The following OPHN1 variants were observed in gnomAD, a reference collection of about 807,000 sequenced individuals.
The protein encoded by OPHN1 is oligophrenin-1.
Under a neutral mutation model 60.7 loss-of-function variants are expected in OPHN1, and 11 were observed. The ratio of observed to expected loss-of-function variants is 0.18; its 90% CI spans 0.11 to 0.30. OPHN1 has a LOEUF of 0.30. OPHN1 is among the 10% of genes least tolerant of loss of function. The pLI, the probability that OPHN1 is intolerant of heterozygous loss-of-function variation, is 1.00. For synonymous variants in OPHN1, 226 were observed against 222.6 expected (o/e 1.02, Z -0.14); for missense variants, 449 against 611.0 (o/e 0.73, Z 2.80).
At chrX:68,364,034 T>C (rs777606627) in intron 2 of OPHN1, among the ~76,000 whole-genome samples, 8 of 112,256 alleles carry the variant, frequency 7.1e-5, no homozygotes, top group African/African-American at 2.6e-4. Context: ...TAAGGTTCCT[T>C]GAACATGCCC....
chrX:68,407,112 G>C (rs1215645676), intron 2 of OPHN1, among the ~76,000 whole-genome samples: 2 of 112,717 alleles, frequency 1.8e-5, no homozygotes, highest in African/African-American at 6.4e-5. Flanking sequence ...GCTGAGGCAG[G>C]AGAATCACTT....
At chrX:68,415,373 T>C (rs1425523323) in intron 2 of OPHN1, among the ~76,000 whole-genome samples, 1 of 111,442 alleles carries the variant, frequency 9.0e-6, no homozygotes, top group Non-Finnish European at 1.9e-5. Context: ...GAATTAAGAG[T>C]CAGGGAAGCA....
In OPHN1 at chrX:68,341,477, A is replaced by G. The variant is rs780586558; in HGVS notation, c.155-42381T>C. On this transcript the variant is annotated intron_variant, in intron 2 of 24. Transcript: ENST00000355520. ...TATGGCAAACTCTATAGGTCAAACTACCAATTTATTCAACAAGGAAATTGT... is the reference window on the plus strand; with the variant it reads ...TATGGCAAACTCTATAGGTCAAACTGCCAATTTATTCAACAAGGAAATTGT... Among the ~76,000 whole-genome samples, 42 of 111,707 alleles carry G rather than the reference A, an allele frequency of 3.8e-4. No individual in the cohort carries two copies. In the South Asian group the frequency reaches 4.9e-3, roughly 13 times the overall value.
At chrX:68,225,864 G>A (rs2077688647) in intron 6 of OPHN1, among the ~76,000 whole-genome samples, 1 of 112,479 alleles carries the variant, frequency 8.9e-6, no homozygotes, top group Non-Finnish European at 1.9e-5. Context: ...GAAGAAAGCT[G>A]CATGGAGAAT....
chrX:68,400,716 C>T (rs1037167894), intron 2 of OPHN1, among the ~76,000 whole-genome samples: 3 of 108,952 alleles, frequency 2.8e-5, no homozygotes, highest in Non-Finnish European at 3.8e-5. Flanking sequence ...ATTCTCCTGC[C>T]TCAGTCCCCT....
intron 3 of OPHN1, among the ~76,000 whole-genome samples, chrX:68,284,681 C>A (rs1256755784): frequency 9.0e-6 from 1 of 111,409 alleles, no homozygotes; most frequent in South Asian, 3.8e-4. Context: ...AAACCCAAAC[C>A]CCATTAGCAT....
intron 5 of OPHN1, among the ~76,000 whole-genome samples, chrX:68,242,562 C>T (rs1375201830): frequency 1.8e-5 from 2 of 111,101 alleles, no homozygotes; most frequent in African/African-American, 6.6e-5. Context: ...GGCAATTTCC[C>T]TCCAAAGTAT....
intron 18 of OPHN1, 98 bp from the exon 19 acceptor site, chrX:68,097,127 A>G: frequency 3.7e-6 from 3 of 803,535 alleles, no homozygotes; most frequent in Non-Finnish European, 3.5e-6. Context: ...AGAAACTAAA[A>G]TGTAGAAGGA....
intron 2 of OPHN1, among the ~76,000 whole-genome samples, chrX:68,417,156 C>T (rs1213588668): frequency 9.0e-6 from 1 of 110,918 alleles, no homozygotes; most frequent in Non-Finnish European, 1.9e-5. Flanking sequence ...AATGCAGTGG[C>T]GCGATCTCGG....
chrX:68,361,847 T>C (rs1487893380), intron 2 of OPHN1, among the ~76,000 whole-genome samples: 1 of 111,978 alleles, frequency 8.9e-6, no homozygotes, highest in Non-Finnish European at 1.9e-5. Flanking sequence ...TCCCACAAAG[T>C]GTACACACTT....
chrX:68,347,727 G>A (rs1339584857), intron 2 of OPHN1, among the ~76,000 whole-genome samples: 1 of 111,865 alleles, frequency 8.9e-6, no homozygotes, highest in Non-Finnish European at 1.9e-5. Flanking sequence ...GACATTAGAA[G>A]ATATGAATAT....
chrX:68,409,074 C>T (rs2078757498), intron 2 of OPHN1, among the ~76,000 whole-genome samples: 1 of 112,614 alleles, frequency 8.9e-6, no homozygotes, highest in Non-Finnish European at 1.9e-5. Context: ...TCTCAATCGA[C>T]ATTTCCTCTA....
intron 19 of OPHN1, among the ~76,000 whole-genome samples, chrX:68,095,485 T>C (rs933024171): frequency 8.9e-6 from 1 of 112,292 alleles, no homozygotes; most frequent in African/African-American, 3.2e-5. Context: ...CTGCTTTAGA[T>C]TCACATAGTC....
chrX:68,218,471 T>C (rs1211233851), intron 6 of OPHN1, among the ~76,000 whole-genome samples: 1 of 106,943 alleles, frequency 9.4e-6, no homozygotes, highest in Non-Finnish European at 1.9e-5. Context: ...CCAAGACACA[T>C]AATTGTCAGA....
intron 15 of OPHN1, among the ~76,000 whole-genome samples, chrX:68,182,254 C>G (rs1298558157): frequency 1.1e-5 from 1 of 90,827 alleles, no homozygotes; most frequent in East Asian, 3.6e-4. Flanking sequence ...TTGAAACAAC[C>G]AATACCCACT....
intron 2 of OPHN1, among the ~76,000 whole-genome samples, chrX:68,316,378 G>A (rs1342498298): frequency 1.8e-5 from 2 of 111,849 alleles, no homozygotes; most frequent in Admixed American, 9.5e-5. Context: ...CTTTTCAAGC[G>A]TCCATGATAT....
chrX:68,101,962 AG>A (rs2077060952), intron 18 of OPHN1: 1 of 112,341 alleles, frequency 8.9e-6, no homozygotes, highest in Non-Finnish European at 1.9e-5. Context: ...TAGAGTAATT[AG>A]CTGAAATATA....
chrX:68,428,749 AAAC>A (rs758408502), intron 2 of OPHN1, among the ~76,000 whole-genome samples: 112 of 112,450 alleles, frequency 1.0e-3, no homozygotes, highest in African/African-American at 3.2e-3. Flanking sequence ...GCAAATATTC[AAAC>A]AACATTGGGG....
chrX:68,343,957 G>A (rs1297481922), intron 2 of OPHN1, among the ~76,000 whole-genome samples: 9 of 111,835 alleles, frequency 8.0e-5, no homozygotes, highest in Admixed American at 4.8e-4. Context: ...TACTCAAAGT[G>A]TGTTCCCCAG....
Sources: allele counts gnomAD v4.1 joint callset (sites outside exome capture counted in the v4.1 genomes callset), GRCh38; gene constraint gnomAD v4.1.1; transcripts MANE v1.5; gene names NCBI Gene and HGNC (gene_info 2026-07-23, HGNC 2026-07-21).